The following PCLO variants were observed in gnomAD, a reference collection of about 807,000 sequenced individuals.
The protein encoded by PCLO is protein piccolo.
Under a neutral mutation model 427.5 loss-of-function variants are expected in PCLO, and 82 were observed. That is an observed-to-expected ratio of 0.19 (90% CI 0.16 to 0.23). The LOEUF is 0.23. Among genes scored for constraint, PCLO ranks in the 10% least tolerant of loss-of-function variants. The probability of loss-of-function intolerance (pLI) is 1.00; values close to 1 mark genes in which losing one functional copy is unlikely to be tolerated. For synonymous variants in PCLO, 2,357 were observed against 2,155.4 expected, an observed-to-expected ratio of 1.09 and a Z score of -2.59; for missense variants, 6,239 against 6,115.9, an observed-to-expected ratio of 1.02 and a Z score of -0.67.
rs2115819685 is a variant in PCLO, at chr7:82,847,252, A to G, written c.13655-5T>C. ...TCCATTCCAATACTTGCATCCCTAGAAAGACAAATTTGAATATAAAATCAA... is the reference window on the plus strand; with the variant it reads ...TCCATTCCAATACTTGCATCCCTAGGAAGACAAATTTGAATATAAAATCAA... On this transcript the variant is annotated splice_region_variant and splice_polypyrimidine_tract_variant and intron_variant, in intron 10 of 24. Coordinates refer to ENST00000333891, the MANE Select transcript of PCLO (RefSeq NM_033026.6). 6.6e-7 allele frequency: 1 copy of G among 1,504,198 alleles called. No individual in the cohort carries two copies. Among genetic ancestry groups the G allele is most frequent in the Non-Finnish European group, 9.1e-7 (1 of 1,094,044 alleles). 93.2% of individuals were successfully genotyped at this position (1,504,198 alleles called of 1,614,324 possible).
rs1352690671 is a variant in PCLO, at chr7:83,013,920, T to C, written c.3301-47433A>G. Reference sequence around the variant, plus strand: ...ACAAAACTTAGCTTTTGGATTTTATTGTTATTATTGTTCCTGTTTCCATTG... The same window carrying C: ...ACAAAACTTAGCTTTTGGATTTTATCGTTATTATTGTTCCTGTTTCCATTG... On this transcript the variant is annotated intron_variant, in intron 3 of 24. Coordinates refer to ENST00000333891, the MANE Select transcript of PCLO (RefSeq NM_033026.6). 2.0e-5 allele frequency among the ~76,000 whole-genome samples: 3 copies of C among 152,170 alleles called. 1 individual carries two copies. The highest frequency in any genetic ancestry group is 2.0e-4 in the Admixed American group (3 of 15,266).
chr7:83,050,220 A>AC (rs1408250809), intron 3 of PCLO, among the ~76,000 whole-genome samples: 24 of 118,568 alleles, frequency 2.0e-4, no homozygotes, highest in African/African-American at 6.2e-4. Flanking sequence ...AAAAAAAAAA[A>AC]AAAAAAAAAA....
chr7:82,896,114 T>G (rs1401110909), intron 9 of PCLO, among the ~76,000 whole-genome samples: 1 of 151,840 alleles, frequency 6.6e-6, no homozygotes, highest in Non-Finnish European at 1.5e-5. Context: ...ACCTTGACTA[T>G]GTGGCAGTTT....
Position 82,758,354 on chromosome 7 carries a change from C to T in PCLO, c.*221G>A, listed in dbSNP as rs775553161. On this transcript the variant is annotated 3_prime_UTR_variant, in exon 25 of 25. Transcript: ENST00000333891. ...CACAGCCATGGGAAATTCAAGGTCTCAGAACTCCATTCTTCTTGTTTTCAG... is the reference window on the plus strand; with the variant it reads ...CACAGCCATGGGAAATTCAAGGTCTTAGAACTCCATTCTTCTTGTTTTCAG... 19 of 406,638 alleles carry T rather than the reference C, an allele frequency of 4.7e-5. No individual in the cohort carries two copies. The highest frequency in any genetic ancestry group is 4.4e-5 in the Non-Finnish European group (10 of 229,110). The allele number at this position is 406,638 out of a possible 1,614,324, so 25.2% of individuals were successfully genotyped here.
intron 1 of PCLO, among the ~76,000 whole-genome samples, chr7:83,160,119 G>A (rs1349696806): frequency 6.6e-6 from 1 of 152,112 alleles, no homozygotes; most frequent in African/African-American, 2.4e-5. Context: ...TAGGGTTTGT[G>A]TAAATTACAA....
intron 1 of PCLO, among the ~76,000 whole-genome samples, chr7:83,160,233 C>T (rs1235154161): frequency 6.6e-6 from 1 of 152,152 alleles, no homozygotes; most frequent in Non-Finnish European, 1.5e-5. Context: ...ACATGAGACA[C>T]ATTGATTGAG....
intron 9 of PCLO, chr7:82,879,893 TATA>T (rs771542659): frequency 2.3e-6 from 1 of 438,198 alleles, no homozygotes; most frequent in Non-Finnish European, 4.5e-6. Context: ...AATTGTAATT[TATA>T]AAGTGAAAAC....
rs550227693 is a variant in PCLO, at chr7:82,953,636, A to G, written c.7317T>C (p.Pro2439=). 13 of 1,552,516 alleles carry G rather than the reference A, an allele frequency of 8.4e-6. No homozygotes were observed. The East Asian group carries it at 2.0e-4, about 24-fold the overall frequency. Reference sequence around the variant, plus strand: ...GAGATGCAACTGTTAACTTTTTTTTAGGAAGAATAGTTGGTTTAGGTGAAG... The same window carrying G: ...GAGATGCAACTGTTAACTTTTTTTTGGGAAGAATAGTTGGTTTAGGTGAAG... The part of the protein sequence containing the change: ...PPTSPKPTIL[P]KKKLTVASPV... Residue 2439 remains proline (P), a synonymous_variant, in exon 5 of 25, where the codon CCT becomes CCC. Transcript: ENST00000333891.
chr7:83,031,256 T>C (rs1440180755), intron 3 of PCLO, among the ~76,000 whole-genome samples: 1 of 152,228 alleles, frequency 6.6e-6, no homozygotes, highest in Non-Finnish European at 1.5e-5. Flanking sequence ...ATCATATGCA[T>C]GTTCCAAACA....
Position 82,827,214 on chromosome 7 carries a change from G to A in PCLO, c.14344-554C>T, listed in dbSNP as rs149558734. Among the ~76,000 whole-genome samples, 302 of 152,180 alleles carry A rather than the reference G, an allele frequency of 2.0e-3. 5 individuals are homozygous for A. The highest frequency in any genetic ancestry group is 6.9e-3 in the African/African-American group (285 of 41,574). ...ACAGTTCACTTGTAAATTGGTTTAT[G>A]TGGGAACTGTCTTTATAGTTTTCTC... On this transcript the variant is annotated intron_variant, in intron 17 of 24. Transcript: ENST00000333891.
chr7:82,761,516 C>T (rs748981501), intron 22 of PCLO, 23 bp from the exon 23 acceptor site: 2 of 1,560,334 alleles, frequency 1.3e-6, no homozygotes, highest in East Asian at 2.3e-5. Flanking sequence ...AATAAAAATG[C>T]AAAGAAGTAT....
At chr7:83,114,649 A>G (rs947152669) in intron 3 of PCLO, among the ~76,000 whole-genome samples, 4 of 152,064 alleles carry the variant, frequency 2.6e-5, no homozygotes, top group Admixed American at 6.6e-5. Flanking sequence ...AATGTTGGGG[A>G]AAAAACTATC....
chr7:82,756,986 T>G lies in PCLO; in HGVS notation c.*1589A>C, dbSNP rs1274661642. The G allele has an allele frequency of 2.0e-5, 3 of 152,276 alleles. No individual in the cohort carries two copies. The highest frequency in any genetic ancestry group is 7.2e-5 in the African/African-American group (3 of 41,574). 9.4% of individuals were successfully genotyped at this position (152,276 alleles called of 1,614,324 possible). A position where few individuals can be genotyped will look rare whatever the true frequency, so the allele number is the denominator to read the frequency against. ...ATTTGAGAATTAAAAAGATATGTAA[T>G]AATTATTCCTCACTTCTGTGTATAA... is the stretch of plus-strand genomic sequence containing the variant. On this transcript the variant is annotated 3_prime_UTR_variant, in exon 25 of 25. Transcript: ENST00000333891.
intron 2 of PCLO, among the ~76,000 whole-genome samples, chr7:83,153,092 A>G (rs1792177890): frequency 6.6e-6 from 1 of 151,914 alleles, no homozygotes; most frequent in Non-Finnish European, 1.5e-5. Context: ...AGTCATTATT[A>G]CTTCACATTC....
Position 83,127,019 on chromosome 7 carries a change from A to G in PCLO, c.3300+7231T>C, listed in dbSNP as rs115685092. Reference sequence around the variant, plus strand: ...CATTTACCTGAATACATCCATTTCAATGAATTTATATACTTAAAAATACAA... The same window carrying G: ...CATTTACCTGAATACATCCATTTCAGTGAATTTATATACTTAAAAATACAA... On this transcript the variant is annotated intron_variant, in intron 3 of 24. Coordinates refer to ENST00000333891, the MANE Select transcript of PCLO (RefSeq NM_033026.6). Among the ~76,000 whole-genome samples the G allele has an allele frequency of 7.8e-3, 1,180 of 152,250 alleles. 22 individuals carry two copies. Among genetic ancestry groups the G allele is most frequent in the African/African-American group, 0.026 (1,068 of 41,582 alleles).
chr7:82,757,302 G>A lies in PCLO; in HGVS notation c.*1273C>T, dbSNP rs554667627. On this transcript the variant is annotated 3_prime_UTR_variant, in exon 25 of 25. Coordinates refer to ENST00000333891, the MANE Select transcript of PCLO (RefSeq NM_033026.6). ...TCATTTTAAGACTTGGACATTAGTT[G>A]TTTTATTCATTATTATTAAAATAGC... is the stretch of plus-strand genomic sequence containing the variant. 6.6e-6 allele frequency: 1 copy of A among 151,824 alleles called. No individual in the cohort carries two copies. Among genetic ancestry groups the A allele is most frequent in the Non-Finnish European group, 1.5e-5 (1 of 67,902 alleles). The allele number at this position is 151,824 out of a possible 1,614,324, so 9.4% of individuals were successfully genotyped here. A position where few individuals can be genotyped will look rare whatever the true frequency, so the allele number is the denominator to read the frequency against.
intron 7 of PCLO, 85 bp downstream of exon 7, chr7:82,914,601 C>G (rs1444387610): frequency 7.6e-7 from 1 of 1,317,836 alleles, no homozygotes; most frequent in African/African-American, 1.4e-5. Flanking sequence ...AAGTAGGATA[C>G]ATCTCTGGAG....
At chr7:82,969,053 G>A (rs1345402007) in intron 3 of PCLO, among the ~76,000 whole-genome samples, 2 of 151,990 alleles carry the variant, frequency 1.3e-5, no homozygotes, top group Non-Finnish European at 2.9e-5. Flanking sequence ...GTTGGGACAG[G>A]GACAAATTAT....
intron 3 of PCLO, among the ~76,000 whole-genome samples, chr7:82,984,746 C>G (rs1796222077): frequency 6.6e-6 from 1 of 151,974 alleles, no homozygotes; most frequent in Non-Finnish European, 1.5e-5. Context: ...AGTCATGCCT[C>G]TATCCCTGGG....
Sources: gnomAD v4.1 joint callset for allele counts (sites outside exome capture counted in the v4.1 genomes callset) on GRCh38, gnomAD v4.1.1 for gene constraint, MANE v1.5 for transcripts, NCBI Gene and HGNC (gene_info 2026-07-23, HGNC 2026-07-21) for gene names.